The following DLX4 variants were observed in gnomAD, a reference collection of about 807,000 sequenced individuals.
DLX4 encodes homeobox protein DLX-4.
In DLX4, 13 loss-of-function variants were observed where a neutral mutation model predicts 17.1. That is an observed-to-expected ratio of 0.76 (90% CI 0.49 to 1.21). The LOEUF (loss-of-function observed/expected upper bound fraction) is 1.21, where lower values mean the gene tolerates loss of function less well. Among genes scored for constraint, DLX4 ranks in the 50% most tolerant of loss-of-function variants. The pLI, the probability that DLX4 is intolerant of heterozygous loss-of-function variation, is 0.00. For missense variants in DLX4, 297 were observed against 301.4 expected (o/e 0.99, Z 0.11); for synonymous variants, 129 against 140.3 (o/e 0.92, Z 0.57).
chr17:49,971,473 A>T (rs990503237), intron 1 of DLX4, among the ~76,000 whole-genome samples: 8 of 152,052 alleles, frequency 5.3e-5, no homozygotes, highest in African/African-American at 1.9e-4. Context: ...GCCTGGAGGG[A>T]GGCCTTGGGG....
In DLX4 at chr17:49,972,975, G is replaced by C; in HGVS notation, c.284-98G>C. 1 of 1,542,832 alleles carries C rather than the reference G, an allele frequency of 6.5e-7. No individual in the cohort carries two copies. Among genetic ancestry groups the C allele is most frequent in the Non-Finnish European group, 8.8e-7 (1 of 1,141,142 alleles). On this transcript the variant is annotated intron_variant, in intron 1 of 2. Transcript: ENST00000240306. The surrounding 1 kb of genome is among the most constrained non-coding windows in gnomAD (Gnocchi z 5.4). ...GCTGCGCTTTTTGCTATTTGCTGCC[G>C]ACGGCATGCAGACGAGATGCAAATA...
Position 49,973,735 on chromosome 17 carries a change from A to T in DLX4, c.515A>T (p.Tyr172Phe). The stretch of plus-strand genomic sequence containing the variant: ...TGGTTTCAGAACAAACGCTCCAAGT[A>T]TAAGAAGCTCCTGAAGCAGAATTCT... Reference protein sequence around the residue: ...KIWFQNKRSKYKKLLKQNSGG... With the variant: ...KIWFQNKRSKFKKLLKQNSGG... The change falls in exon 3 of 3, where the codon TAT (tyrosine) becomes TTT (phenylalanine). Residue 172 changes from tyrosine to phenylalanine, a missense_variant. Tyr to Phe is a conservative substitution (Grantham distance 22). Coordinates refer to ENST00000240306, the MANE Select transcript of DLX4 (RefSeq NM_138281.3). 1 of 1,521,900 alleles carries T rather than the reference A, an allele frequency of 6.6e-7. No homozygotes were observed. The highest frequency in any genetic ancestry group is 8.8e-7 in the Non-Finnish European group (1 of 1,135,136). 94.3% of individuals were successfully genotyped at this position (1,521,900 alleles called of 1,614,324 possible).
At position 49,973,024 on chromosome 17, in the gene DLX4, C is replaced by A. The variant is rs370757334; in HGVS notation, c.284-49C>A. ...TAAGCTTATGAAACTGTCCGTCCTA[C>A]CCCCTCGCTCCCTCCTCGCCCCCTA... On this transcript the variant is annotated intron_variant, in intron 1 of 2. Coordinates refer to ENST00000240306, the MANE Select transcript of DLX4 (RefSeq NM_138281.3). The A allele has an allele frequency of 6.9e-6, 11 of 1,600,920 alleles. No homozygotes were observed. In the Admixed American group the frequency reaches 1.7e-4, roughly 25 times the overall value.
In DLX4 at chr17:49,973,904, T is replaced by C; in HGVS notation, c.684T>C (p.His228=). The change falls in exon 3 of 3, where the codon CAT becomes CAC. Residue 228 remains histidine, a synonymous_variant. Coordinates refer to ENST00000240306, the MANE Select transcript of DLX4 (RefSeq NM_138281.3). ...ACAGCTTTGGAGCCTGGTATCAGCA[T>C]CACTCCTCAGATGTCCTGGCTTCGC... The part of the protein sequence containing the change: ...YGNSFGAWYQ[H]HSSDVLASPQ... The C allele has an allele frequency of 6.2e-7, 1 of 1,608,298 alleles. No homozygotes were observed. The highest frequency in any genetic ancestry group is 8.5e-7 in the Non-Finnish European group (1 of 1,176,936).
At chr17:49,969,775 T>C in intron 1 of DLX4, 24 bp downstream of exon 1, 1 of 1,561,100 alleles carries the variant, frequency 6.4e-7, no homozygotes, top group Admixed American at 1.8e-5. Context: ...TGGAGGCTCT[T>C]CCCACCTCTG....
rs971953450 is a variant in DLX4 at position 49,972,697 on chromosome 17, G to C, written c.284-376G>C. The C allele has an allele frequency of 7.5e-7, 1 of 1,328,078 alleles. No individual in the cohort carries two copies. Among genetic ancestry groups the C allele is most frequent in the East Asian group, 3.1e-5 (1 of 32,714 alleles). The allele number at this position is 1,328,078 out of a possible 1,614,324, so 82.3% of individuals were successfully genotyped here. ...ATCTCTAGGCCTCGGCTCAGCCCTG[G>C]ACCTAGCCTTTCTGCCCCGCCCTAC... On this transcript the variant is annotated intron_variant, in intron 1 of 2. Coordinates refer to ENST00000240306, the MANE Select transcript of DLX4 (RefSeq NM_138281.3). The surrounding 1 kb of genome is among the most constrained non-coding windows in gnomAD (Gnocchi z 5.4).
chr17:49,972,603 C>T lies in DLX4; in HGVS notation c.284-470C>T, dbSNP rs1225925902. 14 of 568,364 alleles carry T rather than the reference C, an allele frequency of 2.5e-5. No individual in the cohort carries two copies. The highest frequency in any genetic ancestry group is 1.5e-4 in the South Asian group (2 of 12,970). The allele number at this position is 568,364 out of a possible 1,614,324, so 35.2% of individuals were successfully genotyped here. A position where few individuals can be genotyped will look rare whatever the true frequency, so the allele number is the denominator to read the frequency against. Reference sequence around the variant, plus strand: ...CCCCGCTGGCCGCAGCCGGAGGCTGCCACGCGGACACCGTCTCAAGCCTCT... The same window carrying T: ...CCCCGCTGGCCGCAGCCGGAGGCTGTCACGCGGACACCGTCTCAAGCCTCT... On this transcript the variant is annotated intron_variant, in intron 1 of 2. Coordinates refer to ENST00000240306, the MANE Select transcript of DLX4 (RefSeq NM_138281.3). The surrounding 1 kb of genome is among the most constrained non-coding windows in gnomAD (Gnocchi z 5.4).
Position 49,973,765 on chromosome 17 carries a change from G to T in DLX4, c.545G>T (p.Gly182Val). ...YKKLLKQNSG[G>V]QEGDFPGRTF... ...AAGCTCCTGAAGCAGAATTCTGGGG[G>T]GCAGGAAGGGGACTTCCCTGGGAGG... is the stretch of plus-strand genomic sequence containing the variant. Residue 182 changes from glycine (G) to valine (V), a missense_variant, in exon 3 of 3, where the codon GGG (glycine) becomes GTG (valine). Coordinates refer to ENST00000240306, the MANE Select transcript of DLX4 (RefSeq NM_138281.3). 1 of 1,556,854 alleles carries T rather than the reference G, an allele frequency of 6.4e-7. No homozygotes were observed. The highest frequency in any genetic ancestry group is 8.7e-7 in the Non-Finnish European group (1 of 1,151,068).
chr17:49,969,926 G>T (rs1189346592), intron 1 of DLX4, among the ~76,000 whole-genome samples, 175 bp downstream of exon 1: 1 of 149,756 alleles, frequency 6.7e-6, no homozygotes, highest in Non-Finnish European at 1.5e-5. Flanking sequence ...GGGGGGAGGG[G>T]CGGGGGAGAG....
Position 49,972,039 on chromosome 17 carries a change from G to A in DLX4, c.284-1034G>A, listed in dbSNP as rs1049278105. ...GCGGCGAACGCTGCCCTAAGCGCCC[G>A]GGCATTGCGGCTGCTCCATCCGCCC... On this transcript the variant is annotated intron_variant, in intron 1 of 2. Transcript: ENST00000240306. This position sits in a 1 kb window ranked among gnomAD's most constrained non-coding sequence, Gnocchi z 5.4. 4.6e-5 allele frequency: 7 copies of A among 152,252 alleles called. No homozygotes were observed. The highest frequency in any genetic ancestry group is 1.2e-4 in the African/African-American group (5 of 41,444). The allele number at this position is 152,252 out of a possible 1,614,324, so 9.4% of individuals were successfully genotyped here. A position where few individuals can be genotyped will look rare whatever the true frequency, so the allele number is the denominator to read the frequency against.
chr17:49,972,913 A>C lies in DLX4; in HGVS notation c.284-160A>C, dbSNP rs1905560876. The C allele has an allele frequency of 1.4e-6, 2 of 1,458,056 alleles. No homozygotes were observed. The allele number at this position is 1,458,056 out of a possible 1,614,324, so 90.3% of individuals were successfully genotyped here. ...GTGGGGGTTGAAACGCTCCACGCGGAAGGTAGAGGGCAGGGGCCAAGGGGG... is the reference window on the plus strand; with the variant it reads ...GTGGGGGTTGAAACGCTCCACGCGGCAGGTAGAGGGCAGGGGCCAAGGGGG... On this transcript the variant is annotated intron_variant, in intron 1 of 2. Transcript: ENST00000240306. This position sits in a 1 kb window ranked among gnomAD's most constrained non-coding sequence, Gnocchi z 5.4.
upstream of DLX4, among the ~76,000 whole-genome samples, chr17:49,968,653 C>A (rs1598145560): frequency 2.0e-5 from 3 of 152,008 alleles, no homozygotes; most frequent in South Asian, 4.1e-4. Flanking sequence ...CCCGCGGGGG[C>A]GTGCGCGCCA....
At chr17:49,971,483 G>A (rs916257902) in intron 1 of DLX4, among the ~76,000 whole-genome samples, 1 of 152,164 alleles carries the variant, frequency 6.6e-6, no homozygotes, top group Non-Finnish European at 1.5e-5. Flanking sequence ...AGGCCTTGGG[G>A]CTCCATGATC....
At chr17:49,973,404 A>G (rs1170750453) in intron 2 of DLX4, 135 bp downstream of exon 2, 10 of 1,338,304 alleles carry the variant, frequency 7.5e-6, no homozygotes, top group Non-Finnish European at 1.0e-5. Flanking sequence ...GAATGTTCAT[A>G]GCTGGCTCTT....
chr17:49,971,350 C>G (rs750522), intron 1 of DLX4, among the ~76,000 whole-genome samples: 101,761 of 151,532 alleles, frequency 0.67, 35,152 homozygotes, highest in Admixed American at 0.8. Context: ...GGCATGTGAT[C>G]GAGAGCTTGG....
chr17:49,971,483 G>C (rs916257902), intron 1 of DLX4, among the ~76,000 whole-genome samples: 3 of 152,164 alleles, frequency 2.0e-5, no homozygotes, highest in Admixed American at 6.5e-5. Context: ...AGGCCTTGGG[G>C]CTCCATGATC....
chr17:49,974,678 A>G lies in DLX4; in HGVS notation c.*735A>G, dbSNP rs1376345354. The G allele has an allele frequency of 6.6e-6, 1 of 150,516 alleles. No individual in the cohort carries two copies. The highest frequency in any genetic ancestry group is 6.6e-5 in the Admixed American group (1 of 15,090). 9.3% of individuals were successfully genotyped at this position (150,516 alleles called of 1,614,324 possible). A position where few individuals can be genotyped will look rare whatever the true frequency, so the allele number is the denominator to read the frequency against. On this transcript the variant is annotated 3_prime_UTR_variant, in exon 3 of 3. Transcript: ENST00000240306. The stretch of plus-strand genomic sequence containing the variant: ...CAATTATCCATATAATTCAATAGGT[A>G]TTTATTGAGAGGCTCCCTTCTATTC...
intron 2 of DLX4, 152 bp downstream of exon 2, chr17:49,973,421 C>G: frequency 8.0e-7 from 1 of 1,244,916 alleles, no homozygotes; most frequent in Non-Finnish European, 1.1e-6. Flanking sequence ...TCTTAGTAAG[C>G]CTTGGGGGGA....
rs1426011090 is a variant in DLX4 at position 49,969,565 on chromosome 17, C to T, written c.97C>T (p.Leu33Phe). Reference protein sequence around the residue: ...PVPSVAAAYPLGLSPTTAASP... With the variant: ...PVPSVAAAYPFGLSPTTAASP... ...CCCGTCGGTAGCGGCTGCCTACCCG[C>T]TTGGCTTGTCCCCTACAACCGCAGC... The change falls in exon 1 of 3, where the codon CTT becomes TTT. Residue 33 changes from leucine (L) to phenylalanine (F), a missense_variant. Coordinates refer to ENST00000240306, the MANE Select transcript of DLX4 (RefSeq NM_138281.3). 1.2e-6 allele frequency: 2 copies of T among 1,613,518 alleles called. No homozygotes were observed. Among genetic ancestry groups the T allele is most frequent in the African/African-American group, 1.3e-5 (1 of 74,932 alleles).
Sources: allele counts gnomAD v4.1 joint callset (sites outside exome capture counted in the v4.1 genomes callset), GRCh38; gene constraint gnomAD v4.1.1; non-coding constraint Gnocchi (gnomAD v3.1); transcripts MANE v1.5; gene names NCBI Gene and HGNC (gene_info 2026-07-23, HGNC 2026-07-21).